The following TEX22 variants were observed in gnomAD, a reference collection of about 807,000 sequenced individuals.
The protein encoded by TEX22 is testis expressed 22.
In TEX22, 16 loss-of-function variants were observed where a neutral mutation model predicts 11.3. The ratio of observed to expected loss-of-function variants is 1.42; its 90% confidence interval spans 0.96 to 2.15. TEX22 has a LOEUF of 2.15. Ranked by LOEUF, TEX22 falls within the 30% of genes most tolerant of loss-of-function variation. TEX22 has a pLI of 0.00. For missense variants in TEX22, 220 were observed against 208.6 expected, an observed-to-expected ratio of 1.05 and a Z score of -0.34; for synonymous variants, 97 against 92.3, an observed-to-expected ratio of 1.05 and a Z score of -0.29.
chr14:105,399,719 G>A (rs1555418162), intron 2 of TEX22, among the ~76,000 whole-genome samples: 1 of 144,716 alleles, frequency 6.9e-6, no homozygotes, highest in Admixed American at 6.7e-5. Flanking sequence ...GGGCCGCTGG[G>A]CTCTGTAGAG....
At chr14:105,403,001 A>G (rs1282636190) in intron 2 of TEX22, among the ~76,000 whole-genome samples, 1 of 152,088 alleles carries the variant, frequency 6.6e-6, no homozygotes, top group Non-Finnish European at 1.5e-5. Context: ...TTTGGATCTC[A>G]TGCAGGAAGG....
intron 2 of TEX22, among the ~76,000 whole-genome samples, chr14:105,401,113 C>T (rs587687891): frequency 5.8e-4 from 89 of 152,330 alleles, no homozygotes; most frequent in Non-Finnish European, 1.2e-3. Context: ...AAGGATGGGT[C>T]CTGCACACTT....
rs2081695529 is a variant in TEX22 at position 105,411,826 on chromosome 14, C to A, written c.446C>A (p.Pro149His). Residue 149 changes from proline to histidine, a missense_variant, in exon 4 of 4, where the codon CCT becomes CAT. Physicochemically the swap from Pro to His is moderately conservative, Grantham distance 77. Transcript: ENST00000451127. Reference sequence around the variant, plus strand: ...ACTTTCGAGGCCTCGAGGTCACCCCCTTCCTAAGAGCCCCATTCAGCCCAT... The same window carrying A: ...ACTTTCGAGGCCTCGAGGTCACCCCATTCCTAAGAGCCCCATTCAGCCCAT... ...NATFEASRSPPS is the reference protein window; with the variant it reads ...NATFEASRSPHS The A allele has an allele frequency of 7.0e-7, 1 of 1,422,490 alleles. No homozygotes were observed. Among genetic ancestry groups the A allele is most frequent in the Non-Finnish European group, 9.2e-7 (1 of 1,083,382 alleles). 88.1% of individuals were successfully genotyped at this position (1,422,490 alleles called of 1,614,324 possible).
intron 2 of TEX22, among the ~76,000 whole-genome samples, chr14:105,407,835 T>C (rs587617812): frequency 4.0e-5 from 6 of 148,934 alleles, no homozygotes; most frequent in Admixed American, 1.4e-4. Context: ...CCCTGTGTTA[T>C]GGGGGTCTGT....
At chr14:105,402,618 T>A (rs191829410) in intron 2 of TEX22, among the ~76,000 whole-genome samples, 27 of 151,540 alleles carry the variant, frequency 1.8e-4, no homozygotes, top group South Asian at 4.2e-4. Flanking sequence ...TAGCCGGGCG[T>A]GGTGGCGGGC....
intron 2 of TEX22, among the ~76,000 whole-genome samples, chr14:105,410,720 C>T (rs56112295): frequency 0.15 from 23,071 of 152,180 alleles, 2,325 homozygotes; most frequent in Non-Finnish European, 0.23. Flanking sequence ...GATGGTGAAC[C>T]TCAGGCTGAG....
intron 2 of TEX22, 149 bp downstream of exon 2, chr14:105,399,639 G>A: frequency 1.1e-6 from 1 of 940,166 alleles, no homozygotes; most frequent in Non-Finnish European, 1.5e-6. Flanking sequence ...CTGGACTCAG[G>A]AGGCTCTCTT....
In TEX22 at chr14:105,411,666, G is replaced by T. The variant is rs1404436940; in HGVS notation, c.286G>T (p.Val96Leu). ...AGTQLHCRDV[V>L]QMVAQLVSED... ...TGACCACCCTCGCCCGCAGGACGTC[G>T]TGCAGATGGTAGCCCAGCTGGTGTC... Residue 96 changes from valine to leucine, a missense_variant, in exon 4 of 4, where the codon GTG (valine) becomes TTG (leucine). Val to Leu is a conservative substitution (Grantham distance 32). Transcript: ENST00000451127. 5.2e-6 allele frequency: 8 copies of T among 1,528,182 alleles called. No individual in the cohort carries two copies. Among genetic ancestry groups the T allele is most frequent in the Non-Finnish European group, 7.0e-6 (8 of 1,143,146 alleles). 94.7% of individuals were successfully genotyped at this position (1,528,182 alleles called of 1,614,324 possible).
At chr14:105,405,367 G>A (rs1292253770) in intron 2 of TEX22, among the ~76,000 whole-genome samples, 1 of 152,128 alleles carries the variant, frequency 6.6e-6, no homozygotes, top group Non-Finnish European at 1.5e-5. Context: ...TACAGCAGAA[G>A]AACAGAAGGA....
intron 2 of TEX22, among the ~76,000 whole-genome samples, chr14:105,403,309 G>A (rs1555418610): frequency 1.3e-5 from 2 of 152,160 alleles, no homozygotes; most frequent in Admixed American, 1.3e-4. Flanking sequence ...TGGGTGTTGG[G>A]ACATCTGAAC....
chr14:105,402,608 T>A (rs587727048), intron 2 of TEX22, among the ~76,000 whole-genome samples: 14 of 151,606 alleles, frequency 9.2e-5, no homozygotes, highest in African/African-American at 3.2e-4. Context: ...ACAAAAAAAT[T>A]AGCCGGGCGT....
chr14:105,412,279 C>T lies in TEX22; in HGVS notation c.*446C>T, dbSNP rs144838692. ...TGTGAGATGGGCCAGGCAGAGTTCT[C>T]CAGGGGGCGGGGTCTCACATTGGGT... On this transcript the variant is annotated 3_prime_UTR_variant, in exon 4 of 4. Coordinates refer to ENST00000451127, the MANE Select transcript of TEX22 (RefSeq NM_001195082.2). The surrounding 1 kb of genome is among the most constrained non-coding windows in gnomAD (Gnocchi z 5.8). 99 of 156,068 alleles carry T rather than the reference C, an allele frequency of 6.3e-4. 2 individuals carry two copies. The South Asian group carries it at 1.0e-2, about 16-fold the overall frequency. 9.7% of individuals were successfully genotyped at this position (156,068 alleles called of 1,614,324 possible).
Position 105,399,496 on chromosome 14 carries a change from C to T in TEX22, c.150+6C>T, listed in dbSNP as rs2081611963. On this transcript the variant is annotated splice_donor_region_variant and intron_variant, in intron 2 of 3. Coordinates refer to ENST00000451127, the MANE Select transcript of TEX22 (RefSeq NM_001195082.2). Reference sequence around the variant, plus strand: ...GACTGCAGACTCAGGACTGGGTAAGCGGAAGGAAACCCTGGCCGAGGCTAC... The same window carrying T: ...GACTGCAGACTCAGGACTGGGTAAGTGGAAGGAAACCCTGGCCGAGGCTAC... The T allele has an allele frequency of 6.6e-6, 10 of 1,524,130 alleles. No individual in the cohort carries two copies. Among genetic ancestry groups the T allele is most frequent in the East Asian group, 2.5e-5 (1 of 40,698 alleles). 94.4% of individuals were successfully genotyped at this position (1,524,130 alleles called of 1,614,324 possible). A position where few individuals can be genotyped will look rare whatever the true frequency, so the allele number is the denominator to read the frequency against.
At chr14:105,409,785 CTTT>C (rs60924867) in intron 2 of TEX22, among the ~76,000 whole-genome samples, 2 of 128,178 alleles carry the variant, frequency 1.6e-5, no homozygotes, top group African/African-American at 5.9e-5. Flanking sequence ...TTCTCTCTCT[CTTT>C]TTTTTTTTTC....
chr14:105,411,493 C>CA lies in TEX22; in HGVS notation c.277dup (p.Arg93LysfsTer47). On this transcript the variant is annotated frameshift_variant, in exon 3 of 4. Coordinates refer to ENST00000451127, the MANE Select transcript of TEX22 (RefSeq NM_001195082.2). LOFTEE classifies it low-confidence loss of function (END_TRUNC). ...GCGCCGCCGGGACCCAGCTGCACTG[C>CA]AGGGTGCGCGGGGGGCGGGTCCTCC... is the stretch of plus-strand genomic sequence containing the variant. The CA allele has an allele frequency of 8.0e-7, 1 of 1,251,260 alleles. No individual in the cohort carries two copies. Among genetic ancestry groups the CA allele is most frequent in the Non-Finnish European group, 1.0e-6 (1 of 999,696 alleles). The allele number at this position is 1,251,260 out of a possible 1,614,324, so 77.5% of individuals were successfully genotyped here.
At chr14:105,402,986 G>C (rs1470067239) in intron 2 of TEX22, among the ~76,000 whole-genome samples, 21 of 152,146 alleles carry the variant, frequency 1.4e-4, no homozygotes, top group African/African-American at 4.8e-5. Flanking sequence ...CCCCAAGAGA[G>C]GGTTTTTGGA....
chr14:105,408,782 G>A (rs587771423), intron 2 of TEX22, among the ~76,000 whole-genome samples: 1 of 152,076 alleles, frequency 6.6e-6, no homozygotes, highest in Non-Finnish European at 1.5e-5. Context: ...CCGCAGAGAC[G>A]AAGGGTGTAG....
intron 2 of TEX22, among the ~76,000 whole-genome samples, chr14:105,409,145 GGC>G (rs2081674889): frequency 6.6e-6 from 1 of 151,674 alleles, no homozygotes; most frequent in African/African-American, 2.4e-5. Context: ...CAGCTGGCAG[GGC>G]CACTGAGTAG....
Position 105,411,475 on chromosome 14 carries a change from C to A in TEX22, c.258C>A (p.Ala86=). ...TLGGRERPGA[A]GTQLHCRDVV... Reference sequence around the variant, plus strand: ...GCGGCCGGGAGAGGCCGGGCGCCGCCGGGACCCAGCTGCACTGCAGGGTGC... The same window carrying A: ...GCGGCCGGGAGAGGCCGGGCGCCGCAGGGACCCAGCTGCACTGCAGGGTGC... The change falls in exon 3 of 4, where the codon GCC becomes GCA. Residue 86 remains alanine (A), a synonymous_variant. Coordinates refer to ENST00000451127, the MANE Select transcript of TEX22 (RefSeq NM_001195082.2). 2 of 1,233,900 alleles carry A rather than the reference C, an allele frequency of 1.6e-6. No individual in the cohort carries two copies. The highest frequency in any genetic ancestry group is 3.6e-5 in the South Asian group (1 of 27,580). 76.4% of individuals were successfully genotyped at this position (1,233,900 alleles called of 1,614,324 possible).
Sources: allele counts gnomAD v4.1 joint callset (sites outside exome capture counted in the v4.1 genomes callset), GRCh38; gene constraint gnomAD v4.1.1; non-coding constraint Gnocchi (gnomAD v3.1); transcripts MANE v1.5; gene names NCBI Gene and HGNC (gene_info 2026-07-23, HGNC 2026-07-21).